The following SNX24 variants were observed in gnomAD, a reference collection of about 807,000 sequenced individuals.
SNX24 encodes the protein sorting nexin 24.
Under a neutral mutation model 28.7 loss-of-function variants are expected in SNX24, and 22 were observed. The observed-to-expected ratio is 0.77, with a 90% CI of 0.55 to 1.10. The LOEUF is 1.10. Ranked by LOEUF, SNX24 falls within the 50% of genes least tolerant of loss-of-function variation. SNX24 has a pLI of 0.00. For missense variants in SNX24, 221 were observed against 201.1 expected, an observed-to-expected ratio of 1.10 and a Z score of -0.60; for synonymous variants, 69 against 71.5, an observed-to-expected ratio of 0.96 and a Z score of 0.18.
intron 1 of SNX24, among the ~76,000 whole-genome samples, chr5:122,872,793 G>A (rs1252446388): frequency 6.6e-6 from 1 of 151,764 alleles, no homozygotes; most frequent in African/African-American, 2.4e-5. Flanking sequence ...AGGGCCGACT[G>A]TATCACAGTA....
intron 3 of SNX24, among the ~76,000 whole-genome samples, chr5:122,997,467 T>C (rs1042673599): frequency 2.6e-5 from 4 of 152,210 alleles, no homozygotes; most frequent in African/African-American, 9.6e-5. Flanking sequence ...TGAGCAGGAT[T>C]AATTCCCGTC....
chr5:122,897,283 A>G (rs1007304025), intron 1 of SNX24, among the ~76,000 whole-genome samples: 1 of 152,174 alleles, frequency 6.6e-6, no homozygotes, highest in Non-Finnish European at 1.5e-5. Context: ...CCCAACAGTA[A>G]GCCAGAATGT....
At chr5:122,865,665 C>G (rs1755687899) in intron 1 of SNX24, among the ~76,000 whole-genome samples, 1 of 152,032 alleles carries the variant, frequency 6.6e-6, no homozygotes, top group Non-Finnish European at 1.5e-5. Context: ...ATTCAATAGG[C>G]AAAATGGAAA....
At chr5:122,951,468 C>T (rs1193772640) in intron 3 of SNX24, among the ~76,000 whole-genome samples, 1 of 151,960 alleles carries the variant, frequency 6.6e-6, no homozygotes, top group Non-Finnish European at 1.5e-5. Flanking sequence ...AGGAATTTAG[C>T]ATCTCATAGT....
chr5:122,960,309 C>G lies in SNX24; in HGVS notation c.249+14150C>G, dbSNP rs181946620. Among the ~76,000 whole-genome samples, 201 of 152,230 alleles carry G rather than the reference C, an allele frequency of 1.3e-3. 1 individual carries two copies. Among genetic ancestry groups the G allele is most frequent in the African/African-American group, 4.7e-3 (197 of 41,522 alleles). On this transcript the variant is annotated intron_variant, in intron 3 of 6. Coordinates refer to ENST00000261369, the MANE Select transcript of SNX24 (RefSeq NM_014035.4). ...ATGTTTTCTCTGGTGCTCTTTGTCA[C>G]TTGATAAGCAGTGTTGTACTAGTTG...
At chr5:123,006,146 A>G (rs1392383233) in intron 6 of SNX24, among the ~76,000 whole-genome samples, 1 of 152,166 alleles carries the variant, frequency 6.6e-6, no homozygotes, top group Non-Finnish European at 1.5e-5. Flanking sequence ...CTCTCAATAA[A>G]TATATGTTGA....
chr5:122,926,093 A>C (rs1442802705), intron 1 of SNX24, among the ~76,000 whole-genome samples: 4 of 152,118 alleles, frequency 2.6e-5, no homozygotes, highest in Admixed American at 2.6e-4. Context: ...GGGGATAGAG[A>C]ATTATGGGAG....
At chr5:122,941,060 G>A (rs1364893558) in intron 2 of SNX24, among the ~76,000 whole-genome samples, 1 of 152,138 alleles carries the variant, frequency 6.6e-6, no homozygotes, top group African/African-American at 2.4e-5. Context: ...GACACCTTGT[G>A]TAAACAGCCT....
intron 1 of SNX24, among the ~76,000 whole-genome samples, chr5:122,863,155 A>C (rs1351842068): frequency 6.6e-6 from 1 of 152,182 alleles, no homozygotes; most frequent in African/African-American, 2.4e-5. Context: ...GATAGTTGTA[A>C]GCACTATGGA....
At chr5:122,881,266 G>T (rs754051694) in intron 1 of SNX24, among the ~76,000 whole-genome samples, 1 of 152,106 alleles carries the variant, frequency 6.6e-6, no homozygotes, top group Non-Finnish European at 1.5e-5. Flanking sequence ...GAAATATGTT[G>T]TTCATTTTAT....
At chr5:122,852,457 C>T (rs1411882314) in intron 1 of SNX24, among the ~76,000 whole-genome samples, 2 of 152,046 alleles carry the variant, frequency 1.3e-5, no homozygotes, top group Admixed American at 6.6e-5. Context: ...GATTCCGCCA[C>T]CTCAGCCTCC....
intron 3 of SNX24, among the ~76,000 whole-genome samples, chr5:122,954,970 T>C (rs1760140725): frequency 6.6e-6 from 1 of 152,148 alleles, no homozygotes; most frequent in Non-Finnish European, 1.5e-5. Flanking sequence ...CTCCTTCTTC[T>C]TTCTCCTCTT....
intron 1 of SNX24, among the ~76,000 whole-genome samples, chr5:122,856,525 C>CTTT (rs1184957460): frequency 7.6e-6 from 1 of 131,582 alleles, no homozygotes; most frequent in African/African-American, 2.8e-5. Context: ...AGTTCTGTGT[C>CTTT]TTTTTTTTTT....
Position 122,891,165 on chromosome 5 carries a change from GTT to G in SNX24, c.60+45477_60+45478del, listed in dbSNP as rs754015939. 9 of 1,412,234 alleles carry G rather than the reference GTT, an allele frequency of 6.4e-6. No individual in the cohort carries two copies. In the South Asian group the frequency reaches 1.3e-4, roughly 21 times the overall value. The allele number at this position is 1,412,234 out of a possible 1,614,324, so 87.5% of individuals were successfully genotyped here. Reference sequence around the variant, plus strand: ...AGAAAACTTTACCTAGTGTTTTTTTGTTTTTTGTTTTTTTTCCTAAGTAGTTT... The same window carrying G: ...AGAAAACTTTACCTAGTGTTTTTTTGTTTTGTTTTTTTTCCTAAGTAGTTT... On this transcript the variant is annotated intron_variant, in intron 1 of 6. Coordinates refer to ENST00000261369, the MANE Select transcript of SNX24 (RefSeq NM_014035.4).
At chr5:122,985,568 C>G (rs1448842150) in intron 3 of SNX24, among the ~76,000 whole-genome samples, 1 of 152,172 alleles carries the variant, frequency 6.6e-6, no homozygotes, top group Admixed American at 6.5e-5. Flanking sequence ...CTTAGCAAGC[C>G]ATAAAACGTT....
chr5:122,856,265 C>A (rs1755185630), intron 1 of SNX24, among the ~76,000 whole-genome samples: 1 of 152,078 alleles, frequency 6.6e-6, no homozygotes, highest in South Asian at 2.1e-4. Context: ...AGGTTAATGG[C>A]CCCCAGCTCC....
chr5:122,878,683 T>A (rs1031994606), intron 1 of SNX24, among the ~76,000 whole-genome samples: 1 of 152,164 alleles, frequency 6.6e-6, no homozygotes, highest in South Asian at 2.1e-4. Flanking sequence ...CGTAGAAATA[T>A]AATGCTCACC....
At chr5:122,863,716 T>C (rs768280197) in intron 1 of SNX24, among the ~76,000 whole-genome samples, 22 of 151,896 alleles carry the variant, frequency 1.4e-4, no homozygotes, top group Non-Finnish European at 1.8e-4. Flanking sequence ...CTATCACACC[T>C]GGCTAATTTT....
At chr5:122,983,906 A>G (rs1761490068) in intron 3 of SNX24, among the ~76,000 whole-genome samples, 1 of 152,250 alleles carries the variant, frequency 6.6e-6, no homozygotes. Context: ...GTGTACTTTT[A>G]GGTTTGCTAA....
Sources: gnomAD v4.1 joint callset for allele counts (sites outside exome capture counted in the v4.1 genomes callset) on GRCh38, gnomAD v4.1.1 for gene constraint, MANE v1.5 for transcripts, NCBI Gene and HGNC (gene_info 2026-07-23, HGNC 2026-07-21) for gene names.